The following FGD6 variants were observed in gnomAD, a reference collection of about 807,000 sequenced individuals.
The protein encoded by FGD6 is FYVE, RhoGEF and PH domain containing 6, also known as FYVE, RhoGEF and PH domain-containing protein 6.
FGD6 carries 90 observed loss-of-function variants against 149.4 expected under a neutral mutation model. The ratio of observed to expected loss-of-function variants is 0.60; its 90% CI spans 0.51 to 0.72. FGD6 has a LOEUF of 0.72. FGD6 is among the 30% of genes least tolerant of loss of function. FGD6 has a pLI of 0.00. For missense variants in FGD6, 1,437 were observed against 1,684.8 expected, an observed-to-expected ratio of 0.85 and a Z score of 2.57; for synonymous variants, 527 against 584.0, an observed-to-expected ratio of 0.90 and a Z score of 1.41.
rs755234951 is a variant in FGD6 at position 95,141,458 on chromosome 12, A to G, written c.2767T>C (p.Tyr923His). The change falls in exon 6 of 21, where the codon TAC becomes CAC. Residue 923 changes from tyrosine to histidine, a missense_variant. Tyr to His is a moderately conservative substitution (Grantham distance 83). This residue lies in a region of FGD6 where 1,055 missense variants were observed against 1,146.0 expected (regional missense o/e 0.92). Transcript: ENST00000343958. ...AGCTCATACAGCTGAGGCAAGTAGTATAGGATCTGATTTAGAATCCGGTCC... is the reference window on the plus strand; with the variant it reads ...AGCTCATACAGCTGAGGCAAGTAGTGTAGGATCTGATTTAGAATCCGGTCC... ...IEDRILNQILYYLPQLYELNR... is the reference protein window; with the variant it reads ...IEDRILNQILHYLPQLYELNR... 1 of 1,614,188 alleles carries G rather than the reference A, an allele frequency of 6.2e-7. No individual in the cohort carries two copies. The highest frequency in any genetic ancestry group is 1.1e-5 in the South Asian group (1 of 91,086).
chr12:95,101,181 CAA>C (rs11364960), intron 14 of FGD6: 711 of 138,944 alleles, frequency 5.1e-3, no homozygotes, highest in African/African-American at 5.0e-3. Flanking sequence ...ACTAAAAATA[CAA>C]AAAAAAAAAA....
chr12:95,217,230 G>GC lies in FGD6; in HGVS notation c.10dup (p.Ala4GlyfsTer20). ...GCGCGAGCGCCGTCACTTACCGGCT[G>GC]CAGAAGTCATGATTCCCCGGTGCAG... is the stretch of plus-strand genomic sequence containing the variant. On this transcript the variant is annotated frameshift_variant, in exon 1 of 21. Transcript: ENST00000343958. LOFTEE classifies it high-confidence loss of function. 6.2e-7 allele frequency: 1 copy of GC among 1,612,198 alleles called. No homozygotes were observed. The highest frequency in any genetic ancestry group is 8.5e-7 in the Non-Finnish European group (1 of 1,178,760).
intron 17 of FGD6, among the ~76,000 whole-genome samples, chr12:95,089,998 C>T (rs1485501647): frequency 1.3e-5 from 2 of 152,042 alleles, no homozygotes; most frequent in African/African-American, 4.8e-5. Context: ...TCCCTACTGC[C>T]GTAAACCCCA....
chr12:95,137,686 T>G lies in FGD6; in HGVS notation c.2838-8A>C, dbSNP rs1375940942. Reference sequence around the variant, plus strand: ...ATTCTTTGTTGTTCAGTCCTATGGATAGAGAAGAGATACACAAAAAAATAT... The same window carrying G: ...ATTCTTTGTTGTTCAGTCCTATGGAGAGAGAAGAGATACACAAAAAAATAT... On this transcript the variant is annotated splice_region_variant and splice_polypyrimidine_tract_variant and intron_variant, in intron 6 of 20. Transcript: ENST00000343958. 1 of 1,556,538 alleles carries G rather than the reference T, an allele frequency of 6.4e-7. No homozygotes were observed. The highest frequency in any genetic ancestry group is 8.7e-7 in the Non-Finnish European group (1 of 1,152,674).
chr12:95,145,407 C>T (rs2136266194), intron 5 of FGD6, among the ~76,000 whole-genome samples: 1 of 152,258 alleles, frequency 6.6e-6, no homozygotes, highest in East Asian at 1.9e-4. Flanking sequence ...GCAAGAACCT[C>T]CCACCCTTTA....
intron 2 of FGD6, among the ~76,000 whole-genome samples, chr12:95,202,629 A>G (rs1400507389): frequency 6.6e-6 from 1 of 151,944 alleles, no homozygotes; most frequent in Non-Finnish European, 1.5e-5. Context: ...CCTGGGCTCG[A>G]GCAATCCTCC....
chr12:95,191,288 T>C (rs1273423887), intron 2 of FGD6, among the ~76,000 whole-genome samples: 1 of 152,216 alleles, frequency 6.6e-6, no homozygotes, highest in Admixed American at 6.5e-5. Context: ...ACCATGTATC[T>C]AATAAAGACA....
intron 6 of FGD6, among the ~76,000 whole-genome samples, chr12:95,139,083 GA>G (rs1217921481): frequency 1.3e-5 from 2 of 152,258 alleles, no homozygotes; most frequent in East Asian, 3.8e-4. Context: ...TGTTATTTCA[GA>G]AAGTCAACTA....
chr12:95,093,169 T>C lies in FGD6; in HGVS notation c.3601-324A>G, dbSNP rs150764108. On this transcript the variant is annotated intron_variant, in intron 15 of 20. Coordinates refer to ENST00000343958, the MANE Select transcript of FGD6 (RefSeq NM_018351.4). ...CTGGGAGGTGGAGGTTGCAATGAGC[T>C]GAGATTGTCCCACTGCACTCCAGCC... Among the ~76,000 whole-genome samples, 140 of 150,766 alleles carry C rather than the reference T, an allele frequency of 9.3e-4. 1 individual carries two copies. The highest frequency in any genetic ancestry group is 3.1e-3 in the African/African-American group (126 of 41,076).
intron 5 of FGD6, among the ~76,000 whole-genome samples, chr12:95,148,477 CT>C (rs1880078261): frequency 1.0e-5 from 1 of 95,388 alleles, no homozygotes; most frequent in Admixed American, 1.3e-4. Flanking sequence ...TAAAAAATCC[CT>C]TCCAAATATA....
intron 18 of FGD6, among the ~76,000 whole-genome samples, chr12:95,086,754 G>A (rs1427595066): frequency 2.7e-5 from 4 of 148,512 alleles, no homozygotes; most frequent in Admixed American, 2.0e-4. Flanking sequence ...CATCATGTTA[G>A]CCAGGATGGT....
At chr12:95,156,273 A>C (rs1299838576) in intron 3 of FGD6, among the ~76,000 whole-genome samples, 1 of 152,130 alleles carries the variant, frequency 6.6e-6, no homozygotes, top group Non-Finnish European at 1.5e-5. Flanking sequence ...CAAATGGGAG[A>C]AATATCGCTG....
At chr12:95,198,216 T>G (rs1473425477) in intron 2 of FGD6, among the ~76,000 whole-genome samples, 1 of 152,244 alleles carries the variant, frequency 6.6e-6, no homozygotes, top group Non-Finnish European at 1.5e-5. Flanking sequence ...AATGTCAGTC[T>G]GTCTCAGGAT....
chr12:95,082,984 TAAAAAAAAAAA>T (rs1173446654), intron 20 of FGD6, among the ~76,000 whole-genome samples: 3 of 31,128 alleles, frequency 9.6e-5, no homozygotes, highest in African/African-American at 3.0e-4. Flanking sequence ...CTGTCTCCAT[TAAAAAAAAAAA>T]AAAAAAAAAA....
intron 3 of FGD6, among the ~76,000 whole-genome samples, chr12:95,170,583 A>G (rs1232940180): frequency 6.6e-6 from 1 of 152,188 alleles, no homozygotes; most frequent in Non-Finnish European, 1.5e-5. Context: ...CAGAGGTTGC[A>G]GTGAGCCGAG....
chr12:95,115,057 GA>G (rs1190375722), intron 8 of FGD6, among the ~76,000 whole-genome samples: 4 of 152,144 alleles, frequency 2.6e-5, no homozygotes, highest in African/African-American at 9.7e-5. Context: ...CCATTTGAAA[GA>G]AACGTTTTCT....
At chr12:95,090,781 G>A (rs182830590) in intron 17 of FGD6, among the ~76,000 whole-genome samples, 181 of 152,248 alleles carry the variant, frequency 1.2e-3, no homozygotes, top group African/African-American at 1.7e-3. Context: ...ATCCTTCAGG[G>A]AAATGAAGAA....
At chr12:95,150,080 T>C (rs1389552799) in intron 5 of FGD6, among the ~76,000 whole-genome samples, 2 of 147,152 alleles carry the variant, frequency 1.4e-5, no homozygotes, top group Non-Finnish European at 3.0e-5. Context: ...CAGGCTGGAG[T>C]GCAATGGCAC....
At chr12:95,164,517 A>G (rs1592859371) in intron 3 of FGD6, among the ~76,000 whole-genome samples, 1 of 150,758 alleles carries the variant, frequency 6.6e-6, no homozygotes, top group Middle Eastern at 3.4e-3. Context: ...TGCAACCTCC[A>G]CCTCCCGGGT....
Sources: allele counts gnomAD v4.1 joint callset (sites outside exome capture counted in the v4.1 genomes callset), GRCh38; gene constraint gnomAD v4.1.1; regional missense constraint gnomAD v4.1.1; transcripts MANE v1.5; gene names NCBI Gene and HGNC (gene_info 2026-07-23, HGNC 2026-07-21).